Variants in ARHGAP35 observed in about 807,000 individuals in gnomAD.
The protein encoded by ARHGAP35 is Rho GTPase activating protein 35.
ARHGAP35 carries 15 observed loss-of-function variants against 111.1 expected under a neutral mutation model. The ratio of observed to expected loss-of-function variants is 0.13; its 90% confidence interval spans 0.09 to 0.21. The LOEUF is 0.21. Among genes scored for constraint, ARHGAP35 ranks in the 10% least tolerant of loss-of-function variants. The pLI is 1.00. For synonymous variants in ARHGAP35, 643 were observed against 710.3 expected (o/e 0.91, Z 1.51); for missense variants, 1,262 against 1,873.0 (o/e 0.67, Z 6.02).
At chr19:46,959,107 T>C (rs446166) in intron 3 of ARHGAP35, among the ~76,000 whole-genome samples, 95,875 of 152,014 alleles carry the variant, frequency 0.63, 30,898 homozygotes, top group Middle Eastern at 0.8. Context: ...GAGACAAGGT[T>C]TTACTTCACT....
At chr19:46,894,952 AT>A (rs1280483210) in intron 1 of ARHGAP35, among the ~76,000 whole-genome samples, 8 of 152,104 alleles carry the variant, frequency 5.3e-5, no homozygotes, top group African/African-American at 1.9e-4. Context: ...ACTTATCATC[AT>A]CCTTATAGGA....
At chr19:46,867,630 T>A (rs986349635) in intron 1 of ARHGAP35, among the ~76,000 whole-genome samples, 1 of 152,220 alleles carries the variant, frequency 6.6e-6, no homozygotes, top group African/African-American at 2.4e-5. Flanking sequence ...AGATAGACAG[T>A]AAACTCCTGA....
chr19:46,876,242 G>A (rs1002950205), intron 1 of ARHGAP35, among the ~76,000 whole-genome samples: 71 of 149,464 alleles, frequency 4.8e-4, no homozygotes, highest in Non-Finnish European at 5.3e-4. Flanking sequence ...TCTCACCCAC[G>A]TTCCATGGAG....
chr19:47,001,794 C>T lies in ARHGAP35; in HGVS notation c.*1106C>T, dbSNP rs115228280. The T allele has an allele frequency of 3.6e-3, 806 of 221,298 alleles. 9 individuals are homozygous for T. Among genetic ancestry groups the T allele is most frequent in the African/African-American group, 0.018 (787 of 43,468 alleles). The allele number at this position is 221,298 out of a possible 1,614,324, so 13.7% of individuals were successfully genotyped here. A position where few individuals can be genotyped will look rare whatever the true frequency, so the allele number is the denominator to read the frequency against. ...TGGGCGCTTGGTGGGGGGTTGGGGA[C>T]AGCTGGAAGGTGCCAGGTGCACTTG... On this transcript the variant is annotated 3_prime_UTR_variant, in exon 7 of 7. Coordinates refer to ENST00000672722, the MANE Select transcript of ARHGAP35 (RefSeq NM_004491.5). This position sits in a 1 kb window ranked among gnomAD's most constrained non-coding sequence, Gnocchi z 5.4.
chr19:46,919,629 G>A lies in ARHGAP35; in HGVS notation c.954G>A (p.Lys318=). The A allele has an allele frequency of 6.2e-7, 1 of 1,613,968 alleles. No homozygotes were observed. Among genetic ancestry groups the A allele is most frequent in the South Asian group, 1.1e-5 (1 of 91,084 alleles). ...YVYLEGTQKA[K]KLFLQHIHRL... ...ACCTGGAAGGGACTCAGAAAGCCAAGAAGCTGTTTCTACAGCACATCCACC... is the reference window on the plus strand; with the variant it reads ...ACCTGGAAGGGACTCAGAAAGCCAAAAAGCTGTTTCTACAGCACATCCACC... The change falls in exon 2 of 7, where the codon AAG becomes AAA. Residue 318 remains lysine (K), a synonymous_variant. Coordinates refer to ENST00000672722, the MANE Select transcript of ARHGAP35 (RefSeq NM_004491.5). This position sits in a 1 kb window ranked among gnomAD's most constrained non-coding sequence, Gnocchi z 6.2.
At chr19:46,953,169 C>T (rs2056421864) in intron 3 of ARHGAP35, among the ~76,000 whole-genome samples, 2 of 152,182 alleles carry the variant, frequency 1.3e-5, no homozygotes, top group Admixed American at 1.3e-4. Flanking sequence ...AATCCTCACC[C>T]TCGTGTGGCA....
At chr19:46,878,792 T>C (rs1000778306) in intron 1 of ARHGAP35, among the ~76,000 whole-genome samples, 12 of 152,172 alleles carry the variant, frequency 7.9e-5, no homozygotes, top group Non-Finnish European at 1.5e-4. Context: ...ACTTAAAAAA[T>C]GCTGGTGATC....
At chr19:46,978,442 G>A (rs1388674815) in intron 3 of ARHGAP35, among the ~76,000 whole-genome samples, 1 of 151,980 alleles carries the variant, frequency 6.6e-6, no homozygotes. Flanking sequence ...GGAAGCGGGT[G>A]TTTTGTGTGT....
chr19:46,879,617 A>AATAAATAAAT (rs899638161), intron 1 of ARHGAP35, among the ~76,000 whole-genome samples: 19 of 141,338 alleles, frequency 1.3e-4, no homozygotes, highest in East Asian at 4.1e-4. Context: ...TAAATAAATA[A>AATAAATAAAT]AAATAAAAAT....
At chr19:46,924,337 C>G (rs1388597769) in intron 2 of ARHGAP35, among the ~76,000 whole-genome samples, 1 of 152,214 alleles carries the variant, frequency 6.6e-6, no homozygotes, top group Non-Finnish European at 1.5e-5. Flanking sequence ...CACCCTCCCA[C>G]AGAAATTGCA....
intron 3 of ARHGAP35, among the ~76,000 whole-genome samples, chr19:46,951,113 C>T (rs940790034): frequency 1.1e-4 from 17 of 152,244 alleles, no homozygotes; most frequent in African/African-American, 3.4e-4. Context: ...CTCTATCAAA[C>T]GGCCTTTGCC....
In ARHGAP35 at chr19:46,920,252, A is replaced by G. The variant is rs1330855297; in HGVS notation, c.1577A>G (p.Glu526Gly). The G allele has an allele frequency of 1.2e-6, 2 of 1,613,982 alleles. No homozygotes were observed. Among genetic ancestry groups the G allele is most frequent in the Non-Finnish European group, 1.7e-6 (2 of 1,179,894 alleles). ...KMGVIQDVLGEEQRFKALQKL... is the reference protein window; with the variant it reads ...KMGVIQDVLGGEQRFKALQKL... ...GGTGTTATTCAGGATGTTCTGGGAG[A>G]GGAACAGCGATTTAAAGCATTACAA... is the stretch of plus-strand genomic sequence containing the variant. The change falls in exon 2 of 7, where the codon GAG becomes GGG. Residue 526 changes from glutamate to glycine, a missense_variant. Around this residue, in one of 8 missense-constraint regions of ARHGAP35, gnomAD observed 328 missense variants for 440.8 expected, o/e 0.74. Transcript: ENST00000672722. This position sits in a 1 kb window ranked among gnomAD's most constrained non-coding sequence, Gnocchi z 7.0.
intron 2 of ARHGAP35, among the ~76,000 whole-genome samples, chr19:46,935,468 C>T (rs1051933173): frequency 3.9e-5 from 6 of 152,082 alleles, no homozygotes; most frequent in African/African-American, 1.2e-4. Context: ...AAGTTCTCAA[C>T]GAATCTCAGA....
intron 1 of ARHGAP35, among the ~76,000 whole-genome samples, chr19:46,897,640 G>A (rs1389367744): frequency 6.7e-6 from 1 of 149,140 alleles, no homozygotes. Flanking sequence ...TCCAAGAAAG[G>A]TAAACTGTGT....
In ARHGAP35 at chr19:47,001,583, G is replaced by A. The variant is rs534821186; in HGVS notation, c.*895G>A. Reference sequence around the variant, plus strand: ...TGCTGGGGTCCCACTCACCCACTTAGGTCTAGTCGCTAGATCCCCCGTTTT... The same window carrying A: ...TGCTGGGGTCCCACTCACCCACTTAAGTCTAGTCGCTAGATCCCCCGTTTT... On this transcript the variant is annotated 3_prime_UTR_variant, in exon 7 of 7. Coordinates refer to ENST00000672722, the MANE Select transcript of ARHGAP35 (RefSeq NM_004491.5). This position sits in a 1 kb window ranked among gnomAD's most constrained non-coding sequence, Gnocchi z 5.4. The A allele has an allele frequency of 1.5e-4, 58 of 395,778 alleles. 1 individual carries two copies. Among genetic ancestry groups the A allele is most frequent in the South Asian group, 1.2e-3 (58 of 47,846 alleles). 24.5% of individuals were successfully genotyped at this position (395,778 alleles called of 1,614,324 possible). A position where few individuals can be genotyped will look rare whatever the true frequency, so the allele number is the denominator to read the frequency against.
In ARHGAP35 at chr19:46,918,821, A is replaced by C. The variant is rs373940049; in HGVS notation, c.146A>C (p.Glu49Ala). Residue 49 changes from glutamate (E) to alanine (A), a missense_variant, in exon 2 of 7, where the codon GAG (glutamate) becomes GCG (alanine). By Grantham distance (107) the Glu-to-Ala change is moderately radical. Around this residue, in one of 8 missense-constraint regions of ARHGAP35, gnomAD observed 125 missense variants for 301.7 expected, o/e 0.41. Transcript: ENST00000672722. The surrounding 1 kb of genome is among the most constrained non-coding windows in gnomAD (Gnocchi z 5.4). ...CNRFVRPSADEFHLDHTSVLS... is the reference protein window; with the variant it reads ...CNRFVRPSADAFHLDHTSVLS... ...CGCTTCGTGCGCCCGAGTGCTGACG[A>C]GTTTCACTTGGACCATACCTCCGTC... 5.6e-6 allele frequency: 9 copies of C among 1,613,830 alleles called. No individual in the cohort carries two copies. The highest frequency in any genetic ancestry group is 1.3e-5 in the African/African-American group (1 of 74,908).
Position 46,998,303 on chromosome 19 carries a change from G to A in ARHGAP35, c.4037-1001G>A, listed in dbSNP as rs1047641642. ...GCCTCTCTTCACCACCCCCACAGCC[G>A]CCAGCTGTGAGGTCGCTGCCATCTC... is the stretch of plus-strand genomic sequence containing the variant. On this transcript the variant is annotated intron_variant, in intron 5 of 6. Transcript: ENST00000672722. Among the ~76,000 whole-genome samples, 15 of 152,148 alleles carry A rather than the reference G, an allele frequency of 9.9e-5. No individual in the cohort carries two copies. The South Asian group carries it at 1.4e-3, about 15-fold the overall frequency.
chr19:46,955,926 A>AT (rs2056436764), intron 3 of ARHGAP35, among the ~76,000 whole-genome samples: 1 of 152,216 alleles, frequency 6.6e-6, no homozygotes, highest in African/African-American at 2.4e-5. Context: ...CAGGTCACGC[A>AT]TCCCTAATCT....
intron 3 of ARHGAP35, among the ~76,000 whole-genome samples, chr19:46,973,059 C>A (rs976291304): frequency 6.6e-6 from 1 of 152,082 alleles, no homozygotes; most frequent in East Asian, 1.9e-4. Flanking sequence ...ATTTTCTTTT[C>A]TTTTTTAAAA....
Sources: allele counts gnomAD v4.1 joint callset (sites outside exome capture counted in the v4.1 genomes callset), GRCh38; gene constraint gnomAD v4.1.1; regional missense constraint gnomAD v4.1.1; non-coding constraint Gnocchi (gnomAD v3.1); transcripts MANE v1.5; gene names NCBI Gene and HGNC (gene_info 2026-07-23, HGNC 2026-07-21).